The following GPR180 variants were observed in gnomAD, a reference collection of about 807,000 sequenced individuals.
The protein encoded by GPR180 is integral membrane protein GPR180.
In GPR180, 53 loss-of-function variants were observed where a neutral mutation model predicts 52.6. The observed-to-expected ratio is 1.01, with a 90% CI of 0.81 to 1.27. GPR180 has a LOEUF of 1.27. Ranked by LOEUF, GPR180 falls within the 50% of genes most tolerant of loss-of-function variation. GPR180 has a pLI of 0.00. For synonymous variants in GPR180, 200 were observed against 193.1 expected (o/e 1.04, Z -0.30); for missense variants, 533 against 527.0 (o/e 1.01, Z -0.11).
At chr13:94,610,046 A>G (rs906297881) in intron 2 of GPR180, among the ~76,000 whole-genome samples, 2 of 152,160 alleles carry the variant, frequency 1.3e-5, no homozygotes, top group African/African-American at 4.8e-5. Flanking sequence ...TAGACTCAAT[A>G]ATTGTTAATA....
chr13:94,615,659 T>G (rs532945257), intron 3 of GPR180, among the ~76,000 whole-genome samples: 1 of 152,236 alleles, frequency 6.6e-6, no homozygotes, highest in South Asian at 2.1e-4. Flanking sequence ...TTAACTGTAT[T>G]TGTACTCTAA....
chr13:94,619,715 G>GT (rs1468635228), intron 5 of GPR180, among the ~76,000 whole-genome samples, 198 bp downstream of exon 5: 1 of 151,998 alleles, frequency 6.6e-6, no homozygotes. Flanking sequence ...GCTCCTCGTT[G>GT]TTTTTTTGTT....
At chr13:94,625,816 A>G (rs1267740719) in intron 7 of GPR180, 150 bp from the exon 8 acceptor site, 2 of 435,040 alleles carry the variant, frequency 4.6e-6, no homozygotes, top group Admixed American at 7.9e-5. Flanking sequence ...CAGCAACAGT[A>G]AATTTATTTC....
At chr13:94,616,671 C>G (rs1464444138) in intron 3 of GPR180, among the ~76,000 whole-genome samples, 2 of 152,026 alleles carry the variant, frequency 1.3e-5, no homozygotes, top group African/African-American at 4.8e-5. Context: ...ATTATTAAGT[C>G]TTAAGTATAA....
Position 94,612,316 on chromosome 13 carries a change from T to A in GPR180, c.431T>A (p.Ile144Asn). 3 of 1,613,912 alleles carry A rather than the reference T, an allele frequency of 1.9e-6. No individual in the cohort carries two copies. The highest frequency in any genetic ancestry group is 2.5e-6 in the Non-Finnish European group (3 of 1,179,794). Reference sequence around the variant, plus strand: ...AAGGAGAATTCTCAGGTGGAAGATATCCCATTTGAAATGGTGTTACTAAAC... The same window carrying A: ...AAGGAGAATTCTCAGGTGGAAGATAACCCATTTGAAATGGTGTTACTAAAC... ...DDKENSQVED[I>N]PFEMVLLNPD... Residue 144 changes from isoleucine (I) to asparagine (N), a missense_variant, in exon 3 of 9, where the codon ATC becomes AAC. Ile to Asn is a moderately radical substitution (Grantham distance 149). Coordinates refer to ENST00000376958, the MANE Select transcript of GPR180 (RefSeq NM_180989.6).
At chr13:94,626,903 AAGAT>A (rs764649579) in intron 8 of GPR180, 106 bp from the exon 9 acceptor site, 145 of 780,794 alleles carry the variant, frequency 1.9e-4, no homozygotes, top group Middle Eastern at 4.0e-4. Context: ...GTAAAGATGA[AAGAT>A]AGAGTATTGT....
intron 1 of GPR180, among the ~76,000 whole-genome samples, chr13:94,602,502 T>G (rs1036453537): frequency 2.7e-5 from 4 of 149,718 alleles, no homozygotes; most frequent in Admixed American, 2.0e-4. Flanking sequence ...TTTTTTTTTT[T>G]AAAGACCAAT....
chr13:94,613,419 CAT>C (rs1481381563), intron 3 of GPR180, among the ~76,000 whole-genome samples: 1 of 152,118 alleles, frequency 6.6e-6, no homozygotes, highest in African/African-American at 2.4e-5. Flanking sequence ...TTGGAAAAAA[CAT>C]ATATCTAGTG....
chr13:94,620,987 T>TAA (rs543670651), intron 5 of GPR180, 91 bp from the exon 6 acceptor site: 1,232 of 1,011,096 alleles, frequency 1.2e-3, no homozygotes, highest in Middle Eastern at 1.8e-3. Flanking sequence ...TGGTTTTTCT[T>TAA]AAAAAAAAAA....
At chr13:94,625,851 T>TG (rs1384150040) in intron 7 of GPR180, 115 bp from the exon 8 acceptor site, 1 of 581,102 alleles carries the variant, frequency 1.7e-6, no homozygotes, top group Non-Finnish European at 3.1e-6. Context: ...GGCTGTACTC[T>TG]AAAGGCCTGT....
At chr13:94,603,128 T>G (rs1889581633) in intron 1 of GPR180, among the ~76,000 whole-genome samples, 1 of 152,030 alleles carries the variant, frequency 6.6e-6, no homozygotes, top group Non-Finnish European at 1.5e-5. Context: ...AAAAGGAGTT[T>G]CAGTAACCCA....
At chr13:94,602,436 C>CGG in intron 1 of GPR180, among the ~76,000 whole-genome samples, 1 of 151,660 alleles carries the variant, frequency 6.6e-6, no homozygotes, top group Middle Eastern at 3.4e-3. Context: ...CTTCCTGTCT[C>CGG]GGCCACACTG....
intron 2 of GPR180, among the ~76,000 whole-genome samples, chr13:94,611,514 A>G (rs1889702930): frequency 6.6e-6 from 1 of 152,144 alleles, no homozygotes; most frequent in African/African-American, 2.4e-5. Flanking sequence ...TCATTAACCA[A>G]CCCGGAAACT....
rs1166221001 is a variant in GPR180 at position 94,619,922 on chromosome 13, A to G, written c.736+405A>G. On this transcript the variant is annotated intron_variant, in intron 5 of 8. Transcript: ENST00000376958. ...CCTTTTCTGTAGATGGGGTCTCACT[A>G]TGTTGCCCAGGCTGGCCTTATACTC... Among the ~76,000 whole-genome samples the G allele has an allele frequency of 2.0e-5, 3 of 151,998 alleles. No individual in the cohort carries two copies. In the East Asian group the frequency reaches 5.8e-4, roughly 29 times the overall value.
At chr13:94,604,544 T>G (rs917429241) in intron 1 of GPR180, among the ~76,000 whole-genome samples, 4 of 151,440 alleles carry the variant, frequency 2.6e-5, no homozygotes, top group Admixed American at 6.6e-5. Flanking sequence ...GAGCCGAGAT[T>G]GCGCCACTGC....
intron 6 of GPR180, 74 bp downstream of exon 6, chr13:94,621,309 T>C: frequency 1.7e-6 from 2 of 1,206,518 alleles, no homozygotes; most frequent in African/African-American, 3.1e-5. Flanking sequence ...CATTTCAGAA[T>C]TGAAACCTGG....
chr13:94,612,172 T>C lies in GPR180; in HGVS notation c.305-18T>C. On this transcript the variant is annotated intron_variant, in intron 2 of 8. Coordinates refer to ENST00000376958, the MANE Select transcript of GPR180 (RefSeq NM_180989.6). ...TTTGAGAATTTTGTTACAAAAGGTGTTTTCTTTCTCTTTAAAGTGACCATG... is the reference window on the plus strand; with the variant it reads ...TTTGAGAATTTTGTTACAAAAGGTGCTTTCTTTCTCTTTAAAGTGACCATG... 3 of 1,604,588 alleles carry C rather than the reference T, an allele frequency of 1.9e-6. No homozygotes were observed. Among genetic ancestry groups the C allele is most frequent in the Non-Finnish European group, 2.6e-6 (3 of 1,172,876 alleles).
intron 5 of GPR180, among the ~76,000 whole-genome samples, chr13:94,620,495 T>G (rs1889837903): frequency 6.6e-6 from 1 of 152,230 alleles, no homozygotes; most frequent in Non-Finnish European, 1.5e-5. Context: ...GGCCACCTGG[T>G]GGCACATCAC....
At chr13:94,608,560 A>G (rs12865922) in intron 2 of GPR180, among the ~76,000 whole-genome samples, 1 of 152,120 alleles carries the variant, frequency 6.6e-6, no homozygotes, top group Non-Finnish European at 1.5e-5. Flanking sequence ...TTTTTTTCCA[A>G]TAACAAAATC....
Sources: gnomAD v4.1 joint callset for allele counts (sites outside exome capture counted in the v4.1 genomes callset) on GRCh38, gnomAD v4.1.1 for gene constraint, MANE v1.5 for transcripts, NCBI Gene and HGNC (gene_info 2026-07-23, HGNC 2026-07-21) for gene names.